The following ELF4 variants were observed in gnomAD, a reference collection of about 807,000 sequenced individuals.
The protein encoded by ELF4 is ETS-related transcription factor Elf-4.
ELF4 carries 10 observed loss-of-function variants against 31.7 expected under a neutral mutation model. That is an observed-to-expected ratio of 0.32 (90% CI 0.19 to 0.54). The LOEUF is 0.54. ELF4 is among the 20% of genes least tolerant of loss of function. The pLI is 0.95. For missense variants in ELF4, 418 were observed against 522.0 expected (o/e 0.80, Z 1.94); for synonymous variants, 208 against 226.7 (o/e 0.92, Z 0.74).
chrX:130,095,562 G>C (rs1324339064), intron 1 of ELF4, among the ~76,000 whole-genome samples: 1 of 111,551 alleles, frequency 9.0e-6, no homozygotes, highest in Admixed American at 9.6e-5. Flanking sequence ...CTTCAACAGA[G>C]GCTTCCCAGG....
rs753536141 is a variant in ELF4 at position 130,067,172 on chromosome X, G to C, written c.1541C>G (p.Ser514Cys). 4 of 1,204,790 alleles carry C rather than the reference G, an allele frequency of 3.3e-6. No homozygotes were observed. In the Admixed American group the frequency reaches 8.8e-5, roughly 26 times the overall value. The change falls in exon 9 of 9, where the codon TCT becomes TGT. Residue 514 changes from serine (S) to cysteine (C), a missense_variant. Physicochemically the swap from Ser to Cys is moderately radical, Grantham distance 112 (BLOSUM62 -1). Coordinates refer to ENST00000308167, the MANE Select transcript of ELF4 (RefSeq NM_001421.4). ...VTGAGPAGPS[S>C]QPPGTVIAAF... ...AGCAATGACAGTCCCAGGGGGCTGAGAGCTGGGCCCTGCTGGTCCAGCCCC... is the reference window on the plus strand; with the variant it reads ...AGCAATGACAGTCCCAGGGGGCTGACAGCTGGGCCCTGCTGGTCCAGCCCC...
intron 2 of ELF4, among the ~76,000 whole-genome samples, chrX:130,076,577 G>A (rs1167157447): frequency 9.0e-6 from 1 of 110,935 alleles, no homozygotes; most frequent in African/African-American, 3.3e-5. Flanking sequence ...GATTACCGGC[G>A]CCTGCCACCA....
chrX:130,070,339 G>A (rs1197273001), intron 7 of ELF4, among the ~76,000 whole-genome samples: 2 of 110,963 alleles, frequency 1.8e-5, no homozygotes, highest in Non-Finnish European at 3.8e-5. Context: ...TTGGGAGGCC[G>A]AGGTGGGCAG....
At chrX:130,069,797 G>C in intron 7 of ELF4, 120 bp from the exon 8 acceptor site, 2 of 1,065,228 alleles carry the variant, frequency 1.9e-6, no homozygotes, top group South Asian at 4.1e-5. Flanking sequence ...AGTGAGGCTG[G>C]CTGGGGAGCC....
chrX:130,084,425 A>G, intron 1 of ELF4, among the ~76,000 whole-genome samples: 2 of 112,542 alleles, frequency 1.8e-5, no homozygotes, highest in Middle Eastern at 4.6e-3. Context: ...CCTGCACTGC[A>G]TTGAATGGAA....
intron 2 of ELF4, among the ~76,000 whole-genome samples, chrX:130,074,990 A>G (rs1315894749): frequency 9.3e-6 from 1 of 107,208 alleles, no homozygotes; most frequent in Admixed American, 1.0e-4. Context: ...TTTTTTTGAG[A>G]TAGAGCCTCG....
At chrX:130,070,530 G>C (rs756545797) in intron 7 of ELF4, among the ~76,000 whole-genome samples, 1 of 108,922 alleles carries the variant, frequency 9.2e-6, no homozygotes, top group Non-Finnish European at 1.9e-5. Flanking sequence ...AGCCGAGATC[G>C]TGCCACTGCA....
chrX:130,075,071 C>T (rs910674928), intron 2 of ELF4, among the ~76,000 whole-genome samples: 7 of 109,578 alleles, frequency 6.4e-5, no homozygotes, highest in Non-Finnish European at 1.3e-4. Flanking sequence ...CGGGTTCAAG[C>T]GATTCTCCTA....
In ELF4 at chrX:130,072,211, C is replaced by T. The variant is rs200372137; in HGVS notation, c.532+15G>A. The T allele has an allele frequency of 1.7e-6, 2 of 1,204,535 alleles. No homozygotes were observed. Among genetic ancestry groups the T allele is most frequent in the Non-Finnish European group, 1.1e-6 (1 of 889,631 alleles). Reference sequence around the variant, plus strand: ...CCCCTCGGAGACACACATACACTCACTCTCCCCCACTTACTTCTCTTCTTT... The same window carrying T: ...CCCCTCGGAGACACACATACACTCATTCTCCCCCACTTACTTCTCTTCTTT... On this transcript the variant is annotated intron_variant, in intron 5 of 8. Coordinates refer to ENST00000308167, the MANE Select transcript of ELF4 (RefSeq NM_001421.4).
At chrX:130,089,523 A>AAC (rs1933017335) in intron 1 of ELF4, among the ~76,000 whole-genome samples, 1 of 103,756 alleles carries the variant, frequency 9.6e-6, no homozygotes, top group Non-Finnish European at 2.0e-5. Context: ...AAAAAAAAAA[A>AAC]AAAAAAAAAA....
At chrX:130,095,530 C>T (rs1350938585) in intron 1 of ELF4, among the ~76,000 whole-genome samples, 2 of 111,634 alleles carry the variant, frequency 1.8e-5, no homozygotes, top group Admixed American at 9.5e-5. Flanking sequence ...CACTTCGAAG[C>T]CTCAGAGCCC....
At chrX:130,090,543 GC>G (rs1933040995) in intron 1 of ELF4, among the ~76,000 whole-genome samples, 1 of 111,050 alleles carries the variant, frequency 9.0e-6, no homozygotes. Context: ...CAAGCCCAAT[GC>G]CCACAAGTCC....
intron 2 of ELF4, 111 bp from the exon 3 acceptor site, chrX:130,074,863 C>T: frequency 1.1e-6 from 1 of 907,056 alleles, no homozygotes; most frequent in South Asian, 2.1e-5. Context: ...TCATCAGGGA[C>T]TGTCCTTTGT....
chrX:130,083,825 TG>T (rs916739804), intron 1 of ELF4, among the ~76,000 whole-genome samples: 3 of 98,326 alleles, frequency 3.1e-5, no homozygotes, highest in Non-Finnish European at 4.1e-5. Context: ...GATGGCTGGA[TG>T]GATGGCTGGA....
rs189564824 is a variant in ELF4, at chrX:130,064,339, G to A, written c.*2382C>T. On this transcript the variant is annotated 3_prime_UTR_variant, in exon 9 of 9. Coordinates refer to ENST00000308167, the MANE Select transcript of ELF4 (RefSeq NM_001421.4). ...TGTACTCCCAGCTACTCAGGAGGCT[G>A]AGGCAGGAGAATCACTTGAGCCTGG... Among the ~76,000 whole-genome samples, 1 of 111,915 alleles carries A rather than the reference G, an allele frequency of 8.9e-6. No individual in the cohort carries two copies. The highest frequency in any genetic ancestry group is 2.8e-4 in the East Asian group (1 of 3,570).
Position 130,074,094 on chromosome X carries a change from G to T in ELF4, c.295C>A (p.Leu99Ile), listed in dbSNP as rs966086695. 4.1e-6 allele frequency: 5 copies of T among 1,209,890 alleles called. No individual in the cohort carries two copies. The highest frequency in any genetic ancestry group is 5.6e-6 in the Non-Finnish European group (5 of 895,237). The change falls in exon 4 of 9, where the codon CTC becomes ATC. Residue 99 changes from leucine (L) to isoleucine (I), a missense_variant. Coordinates refer to ENST00000308167, the MANE Select transcript of ELF4 (RefSeq NM_001421.4). ...ATATCGCTGGGAGACTCCATATTGA[G>T]TAAGACTTCCGCGGTTGACATGGTG... Reference protein sequence around the residue: ...SHTMSTAEVLLNMESPSDILD... With the variant: ...SHTMSTAEVLINMESPSDILD...
intron 1 of ELF4, among the ~76,000 whole-genome samples, chrX:130,083,665 A>G (rs756602080): frequency 1.0e-3 from 113 of 111,414 alleles, no homozygotes; most frequent in Non-Finnish European, 1.7e-3. Flanking sequence ...TACCTCCCCC[A>G]TAAGACAGGG....
chrX:130,088,670 G>A (rs751756333), intron 1 of ELF4, among the ~76,000 whole-genome samples: 28 of 111,486 alleles, frequency 2.5e-4, no homozygotes, highest in Admixed American at 4.8e-4. Flanking sequence ...CTGAGATCGC[G>A]CCACTGCACT....
chrX:130,074,114 A>G lies in ELF4; in HGVS notation c.275T>C (p.Met92Thr), dbSNP rs1431997985. Residue 92 changes from methionine (M) to threonine (T), a missense_variant, in exon 4 of 9, where the codon ATG becomes ACG. Met to Thr is a moderately conservative substitution (Grantham distance 81). Coordinates refer to ENST00000308167, the MANE Select transcript of ELF4 (RefSeq NM_001421.4). ...TDDNEATSHT[M>T]STAEVLLNME... Reference sequence around the variant, plus strand: ...ATTGAGTAAGACTTCCGCGGTTGACATGGTGTGCGAGGTGGCCTCATTGTC... The same window carrying G: ...ATTGAGTAAGACTTCCGCGGTTGACGTGGTGTGCGAGGTGGCCTCATTGTC... 1 of 1,211,813 alleles carries G rather than the reference A, an allele frequency of 8.3e-7. No homozygotes were observed.
Sources: gnomAD v4.1 joint callset for allele counts (sites outside exome capture counted in the v4.1 genomes callset) on GRCh38, gnomAD v4.1.1 for gene constraint, MANE v1.5 for transcripts, NCBI Gene and HGNC (gene_info 2026-07-23, HGNC 2026-07-21) for gene names.